RPRD2: variants seen among roughly 807,000 people sequenced by gnomAD.
RPRD2 encodes regulation of nuclear pre-mRNA domain-containing protein 2.
In RPRD2, 12 loss-of-function variants were observed where a neutral mutation model predicts 104.4. The observed-to-expected ratio is 0.11, with a 90% confidence interval of 0.07 to 0.19. The LOEUF (loss-of-function observed/expected upper bound fraction) is 0.19. RPRD2 is among the 10% of genes least tolerant of loss of function. The pLI, the probability that RPRD2 is intolerant of heterozygous loss-of-function variation, is 1.00. For missense variants in RPRD2, 1,543 were observed against 1,790.1 expected (o/e 0.86, Z 2.49); for synonymous variants, 714 against 684.9 (o/e 1.04, Z -0.66).
intron 7 of RPRD2, among the ~76,000 whole-genome samples, chr1:150,447,077 C>G (rs1000298767): frequency 6.6e-6 from 1 of 151,892 alleles, no homozygotes; most frequent in African/African-American, 2.4e-5. Context: ...TCGGGTGATC[C>G]GCCTGCCTTG....
intron 1 of RPRD2, among the ~76,000 whole-genome samples, chr1:150,402,831 A>T (rs1315826501): frequency 6.6e-6 from 1 of 152,150 alleles, no homozygotes; most frequent in Non-Finnish European, 1.5e-5. Flanking sequence ...GCCGGGCATG[A>T]TGGCACATGG....
intron 2 of RPRD2, among the ~76,000 whole-genome samples, chr1:150,429,510 A>G (rs1455876586): frequency 6.6e-6 from 1 of 151,834 alleles, no homozygotes; most frequent in African/African-American, 2.4e-5. Context: ...ACGCACAACC[A>G]TACCTGGCTA....
chr1:150,378,557 A>G (rs1553880067), intron 1 of RPRD2, among the ~76,000 whole-genome samples: 1 of 152,230 alleles, frequency 6.6e-6, no homozygotes, highest in Non-Finnish European at 1.5e-5. Context: ...CCATTCTCAT[A>G]TAGAAGCAAG....
At chr1:150,377,987 T>A (rs1660849589) in intron 1 of RPRD2, among the ~76,000 whole-genome samples, 1 of 152,204 alleles carries the variant, frequency 6.6e-6, no homozygotes, top group Non-Finnish European at 1.5e-5. Flanking sequence ...TCAGAGTGGC[T>A]AAGCATAAGC....
At chr1:150,445,296 G>C (rs1002800465) in intron 6 of RPRD2, among the ~76,000 whole-genome samples, 4 of 152,128 alleles carry the variant, frequency 2.6e-5, no homozygotes, top group African/African-American at 9.7e-5. Flanking sequence ...GTCTTGTAAG[G>C]AGATTAGTAG....
chr1:150,364,955 G>A, intron 1 of RPRD2, 36 bp downstream of exon 1: 1 of 1,605,754 alleles, frequency 6.2e-7, no homozygotes, highest in Non-Finnish European at 8.5e-7. Context: ...GGGAAGACTG[G>A]GGAAATGGAA....
intron 2 of RPRD2, among the ~76,000 whole-genome samples, chr1:150,422,023 GC>G (rs1330481417): frequency 6.7e-6 from 1 of 149,214 alleles, no homozygotes; most frequent in East Asian, 2.0e-4. Flanking sequence ...TCCTTAAACA[GC>G]CCCATCCTAA....
intron 9 of RPRD2, 149 bp from the exon 10 acceptor site, chr1:150,464,378 T>G: frequency 1.8e-6 from 1 of 548,020 alleles, no homozygotes; most frequent in Non-Finnish European, 3.1e-6. Flanking sequence ...TTTTTTTTTT[T>G]TGTACATGTC....
chr1:150,377,408 G>A (rs1317072309), intron 1 of RPRD2, among the ~76,000 whole-genome samples: 3 of 151,654 alleles, frequency 2.0e-5, no homozygotes, highest in Non-Finnish European at 4.4e-5. Flanking sequence ...AGACCATCCT[G>A]GCTGACGGTG....
chr1:150,411,781 A>G (rs1438852511), intron 1 of RPRD2, among the ~76,000 whole-genome samples: 14 of 102,554 alleles, frequency 1.4e-4, no homozygotes, highest in African/African-American at 6.3e-4. Flanking sequence ...ACAGAGCTAG[A>G]CTGTCTCAAA....
At chr1:150,395,600 C>T (rs1553884057) in intron 1 of RPRD2, among the ~76,000 whole-genome samples, 1 of 150,238 alleles carries the variant, frequency 6.7e-6, no homozygotes. Flanking sequence ...GCAACCACTG[C>T]CTCCGTGTTC....
chr1:150,459,538 A>T (rs1368801825), intron 8 of RPRD2, among the ~76,000 whole-genome samples: 1 of 152,226 alleles, frequency 6.6e-6, no homozygotes, highest in Non-Finnish European at 1.5e-5. Context: ...ATACTAAGAA[A>T]ATGCAAAGGA....
intron 1 of RPRD2, among the ~76,000 whole-genome samples, chr1:150,371,421 T>A (rs982498666): frequency 6.6e-6 from 1 of 152,228 alleles, no homozygotes; most frequent in Admixed American, 6.5e-5. Context: ...TAGAGTGCAG[T>A]GGCACGATCG....
chr1:150,446,238 GGAA>G lies in RPRD2; in HGVS notation c.712_714del (p.Lys238del), dbSNP rs1361172280. The G allele has an allele frequency of 6.3e-7, 1 of 1,580,760 alleles. No individual in the cohort carries two copies. Among genetic ancestry groups the G allele is most frequent in the African/African-American group, 1.4e-5 (1 of 73,080 alleles). On this transcript the variant is annotated inframe_deletion, in exon 7 of 11. Coordinates refer to ENST00000369068, the MANE Select transcript of RPRD2 (RefSeq NM_015203.5). The stretch of plus-strand genomic sequence containing the variant: ...CATGTCATTTTAGATAAAACAGGTG[GGAA>G]GAAGTTCTCCAAAGAATTTGAAGAG...
chr1:150,375,728 T>C (rs1183104747), intron 1 of RPRD2, among the ~76,000 whole-genome samples: 2 of 152,218 alleles, frequency 1.3e-5, no homozygotes, highest in African/African-American at 2.4e-5. Context: ...GTTTATTGTT[T>C]TACAGCAGTA....
intron 2 of RPRD2, among the ~76,000 whole-genome samples, chr1:150,430,963 A>G (rs977182497): frequency 6.6e-6 from 1 of 152,022 alleles, no homozygotes; most frequent in Non-Finnish European, 1.5e-5. Context: ...AGAACACCCT[A>G]AAAGTGATGA....
intron 7 of RPRD2, among the ~76,000 whole-genome samples, chr1:150,456,340 A>G (rs1553897559): frequency 6.6e-6 from 1 of 152,188 alleles, no homozygotes; most frequent in South Asian, 2.1e-4. Context: ...AACTCAGGCA[A>G]CTGTGTGGAT....
At chr1:150,437,665 G>A (rs1468775838) in intron 2 of RPRD2, among the ~76,000 whole-genome samples, 1 of 151,890 alleles carries the variant, frequency 6.6e-6, no homozygotes, top group Non-Finnish European at 1.5e-5. Flanking sequence ...CTGCAGACTC[G>A]AACCCCTGGT....
In RPRD2 at chr1:150,417,830, A is replaced by T. The variant is rs587608938; in HGVS notation, c.335+105A>T. The T allele has an allele frequency of 1.3e-5, 11 of 856,050 alleles. No homozygotes were observed. The African/African-American group carries it at 1.7e-4, about 13-fold the overall frequency. 53.0% of individuals were successfully genotyped at this position (856,050 alleles called of 1,614,324 possible). ...AATAATTGAACATGCTTGAAGATTA[A>T]GGATAATTTGCCTAAATGGTTGATT... On this transcript the variant is annotated intron_variant, in intron 2 of 10. Transcript: ENST00000369068.
Sources: allele counts gnomAD v4.1 joint callset (sites outside exome capture counted in the v4.1 genomes callset), GRCh38; gene constraint gnomAD v4.1.1; transcripts MANE v1.5; gene names NCBI Gene and HGNC (gene_info 2026-07-23, HGNC 2026-07-21).